The following TMEM201 variants were observed in gnomAD, a reference collection of about 807,000 sequenced individuals.
TMEM201 encodes the protein RP13-15M17.2.
Under a neutral mutation model 63.4 loss-of-function variants are expected in TMEM201, and 26 were observed. The observed-to-expected ratio is 0.41, with a 90% CI of 0.30 to 0.57. The LOEUF (loss-of-function observed/expected upper bound fraction) is 0.57. Among genes scored for constraint, TMEM201 ranks in the 20% least tolerant of loss-of-function variants. The pLI, the probability that TMEM201 is intolerant of heterozygous loss-of-function variation, is 0.29. For missense variants in TMEM201, 794 were observed against 917.7 expected (o/e 0.87, Z 1.74); for synonymous variants, 417 against 421.6 (o/e 0.99, Z 0.14).
At position 9,613,462 on chromosome 1, in the gene TMEM201, C is replaced by G. The variant is rs1644352361; in HGVS notation, c.*379C>G. The G allele has an allele frequency of 3.5e-6, 1 of 285,314 alleles. No individual in the cohort carries two copies. Among genetic ancestry groups the G allele is most frequent in the Admixed American group, 4.7e-5 (1 of 21,498 alleles). 17.7% of individuals were successfully genotyped at this position (285,314 alleles called of 1,614,324 possible). ...CAGCAGGAGCTGCCCGGCCTGCCTT[C>G]TGGCCCCACGCCCACAGGCGTAGTC... On this transcript the variant is annotated 3_prime_UTR_variant, in exon 11 of 11. Transcript: ENST00000340381.
At chr1:9,601,926 G>A in intron 5 of TMEM201, 143 bp from the exon 6 acceptor site, 2 of 974,596 alleles carry the variant, frequency 2.1e-6, no homozygotes, top group South Asian at 3.6e-5. Flanking sequence ...GCGTGTGAGT[G>A]TGAGGGGATT....
intron 1 of TMEM201, among the ~76,000 whole-genome samples, chr1:9,591,445 C>A (rs1397510979): frequency 2.0e-5 from 3 of 152,262 alleles, no homozygotes; most frequent in African/African-American, 7.2e-5. Flanking sequence ...ACGGTCGGCA[C>A]AGTTGGGGGG....
intron 9 of TMEM201, 92 bp from the exon 10 acceptor site, chr1:9,611,661 C>T: frequency 2.6e-6 from 4 of 1,515,280 alleles, no homozygotes; most frequent in Non-Finnish European, 3.6e-6. Flanking sequence ...CCACTTCTGA[C>T]AACTGTCCTT....
rs1260872051 is a variant in TMEM201, at chr1:9,613,109, G to T, written c.*26G>T. On this transcript the variant is annotated 3_prime_UTR_variant, in exon 11 of 11. Coordinates refer to ENST00000340381, the MANE Select transcript of TMEM201 (RefSeq NM_001130924.3). ...CCCACCGTTGGAGCCCCTCGGAGGGGAGCAACCCGGTGCCTGCTGCTTCAC... is the reference window on the plus strand; with the variant it reads ...CCCACCGTTGGAGCCCCTCGGAGGGTAGCAACCCGGTGCCTGCTGCTTCAC... 5 of 1,546,590 alleles carry T rather than the reference G, an allele frequency of 3.2e-6. No homozygotes were observed. The highest frequency in any genetic ancestry group is 4.9e-5 in the East Asian group (2 of 40,914).
Position 9,598,577 on chromosome 1 carries a change from G to C in TMEM201, c.558G>C (p.Leu186Phe). 5 of 1,613,574 alleles carry C rather than the reference G, an allele frequency of 3.1e-6. No individual in the cohort carries two copies. The highest frequency in any genetic ancestry group is 4.2e-6 in the Non-Finnish European group (5 of 1,180,008). The change falls in exon 4 of 11, where the codon TTG becomes TTC. Residue 186 changes from leucine (L) to phenylalanine (F), a missense_variant. By Grantham distance (22) the Leu-to-Phe change is conservative. Transcript: ENST00000340381. ...KHQNRQLRAL[L>F]LSHQFKRREA... is the part of the protein sequence containing the mutation. ...AGAACCGCCAGCTGCGCGCCCTGTT[G>C]CTCAGCCACCAGTTCAAGCGCCGGG...
At position 9,601,221 on chromosome 1, in the gene TMEM201, C is replaced by T; in HGVS notation, c.723C>T (p.Ala241=). Residue 241 remains alanine, a synonymous_variant, in exon 5 of 11, where the codon GCC becomes GCT. Coordinates refer to ENST00000340381, the MANE Select transcript of TMEM201 (RefSeq NM_001130924.3). The part of the protein sequence containing the change: ...TALYGASGHF[A]PGTTVPLALP... Reference sequence around the variant, plus strand: ...TGTATGGGGCCAGCGGACACTTCGCCCCAGGCACCACTGTGCCCCTGGCCC... The same window carrying T: ...TGTATGGGGCCAGCGGACACTTCGCTCCAGGCACCACTGTGCCCCTGGCCC... 1 of 1,612,246 alleles carries T rather than the reference C, an allele frequency of 6.2e-7. No individual in the cohort carries two copies. Among genetic ancestry groups the T allele is most frequent in the Non-Finnish European group, 8.5e-7 (1 of 1,179,876 alleles).
chr1:9,612,887 C>A, intron 10 of TMEM201, 99 bp from the exon 11 acceptor site: 1 of 1,029,260 alleles, frequency 9.7e-7, no homozygotes, highest in Non-Finnish European at 1.5e-6. Context: ...CTGGGCAGAG[C>A]CTTGAGCTCC....
intron 2 of TMEM201, among the ~76,000 whole-genome samples, chr1:9,596,285 T>C (rs1481420641): frequency 6.6e-6 from 1 of 152,216 alleles, no homozygotes; most frequent in Non-Finnish European, 1.5e-5. Context: ...AGTGGCAGAT[T>C]TGGGGTTCAC....
In TMEM201 at chr1:9,604,984, T is replaced by C. The variant is rs1644216442; in HGVS notation, c.1161-2573T>C. The C allele has an allele frequency of 2.0e-6, 2 of 985,768 alleles. No individual in the cohort carries two copies. The highest frequency in any genetic ancestry group is 9.4e-5 in the South Asian group (2 of 21,294). The allele number at this position is 985,768 out of a possible 1,614,324, so 61.1% of individuals were successfully genotyped here. A position where few individuals can be genotyped will look rare whatever the true frequency, so the allele number is the denominator to read the frequency against. The stretch of plus-strand genomic sequence containing the variant: ...GTCAGGTGCCGCGTCTTTCTTCTTT[T>C]TTCTTTCTTTCAGAAGGGCTCTGTG... On this transcript the variant is annotated intron_variant, in intron 6 of 10. Transcript: ENST00000340381. This position sits in a 1 kb window ranked among gnomAD's most constrained non-coding sequence, Gnocchi z 4.1.
intron 1 of TMEM201, among the ~76,000 whole-genome samples, chr1:9,591,395 G>A (rs1643916597): frequency 6.6e-6 from 1 of 152,244 alleles, no homozygotes; most frequent in African/African-American, 2.4e-5. Context: ...GGTGCTCATG[G>A]AGCCCCTTGG....
chr1:9,604,247 T>C lies in TMEM201; in HGVS notation c.1160+1975T>C. Reference sequence around the variant, plus strand: ...TGTGTATGTGCGTATTTAAATTAGATTATTTATAATAACCAGAGCCAGCCC... The same window carrying C: ...TGTGTATGTGCGTATTTAAATTAGACTATTTATAATAACCAGAGCCAGCCC... On this transcript the variant is annotated intron_variant, in intron 6 of 10. Transcript: ENST00000340381. The surrounding 1 kb of genome is among the most constrained non-coding windows in gnomAD (Gnocchi z 4.1). 1 of 985,446 alleles carries C rather than the reference T, an allele frequency of 1.0e-6. No homozygotes were observed. The highest frequency in any genetic ancestry group is 1.7e-5 in the African/African-American group (1 of 57,364). The allele number at this position is 985,446 out of a possible 1,614,324, so 61.0% of individuals were successfully genotyped here.
In TMEM201 at chr1:9,601,110, C is replaced by G; in HGVS notation, c.612C>G (p.Phe204Leu). Residue 204 changes from phenylalanine to leucine, a missense_variant, in exon 5 of 11, where the codon TTC becomes TTG. Physicochemically the swap from Phe to Leu is conservative, Grantham distance 22. Coordinates refer to ENST00000340381, the MANE Select transcript of TMEM201 (RefSeq NM_001130924.3). ...READQTHAQN[F>L]SSAVKSPVQV... ...CCTCTCTTCCTCCTTTGCAGAACTT[C>G]TCCTCCGCCGTGAAGTCCCCGGTCC... The G allele has an allele frequency of 6.3e-7, 1 of 1,584,486 alleles. No homozygotes were observed.
Position 9,607,244 on chromosome 1 carries a change from G to A in TMEM201, c.1161-313G>A, listed in dbSNP as rs1644257809. Among the ~76,000 whole-genome samples, 1 of 152,112 alleles carries A rather than the reference G, an allele frequency of 6.6e-6. No individual in the cohort carries two copies. The highest frequency in any genetic ancestry group is 2.1e-4 in the South Asian group (1 of 4,826). On this transcript the variant is annotated intron_variant, in intron 6 of 10. Transcript: ENST00000340381. This position sits in a 1 kb window ranked among gnomAD's most constrained non-coding sequence, Gnocchi z 5.4. ...TTTTTGCTTCAAGGCGAAAGGGTTG[G>A]CATGAGGTTGGCAAAGGCGACAGTG...
intron 1 of TMEM201, among the ~76,000 whole-genome samples, chr1:9,590,846 C>A (rs1416903081): frequency 6.6e-6 from 1 of 152,204 alleles, no homozygotes; most frequent in East Asian, 1.9e-4. Context: ...GAGGTTGAGC[C>A]TTCCTCCGAG....
chr1:9,610,020 T>G lies in TMEM201; in HGVS notation c.1465+109T>G. 9.5e-7 allele frequency: 1 copy of G among 1,055,884 alleles called. No individual in the cohort carries two copies. The allele number at this position is 1,055,884 out of a possible 1,614,324, so 65.4% of individuals were successfully genotyped here. On this transcript the variant is annotated intron_variant, in intron 8 of 10. Coordinates refer to ENST00000340381, the MANE Select transcript of TMEM201 (RefSeq NM_001130924.3). The surrounding 1 kb of genome is among the most constrained non-coding windows in gnomAD (Gnocchi z 4.9). Reference sequence around the variant, plus strand: ...GGGTCAGACAGACCCCAAGTGTGTGTTCACATCTCAGCCCTGGGCAAGTGA... The same window carrying G: ...GGGTCAGACAGACCCCAAGTGTGTGGTCACATCTCAGCCCTGGGCAAGTGA...
At chr1:9,606,097 A>T (rs1644238062) in intron 6 of TMEM201, 5 of 152,308 alleles carry the variant, frequency 3.3e-5, no homozygotes, top group Admixed American at 3.3e-4. Context: ...AGGTGCCCTC[A>T]GGGTCATTCC....
chr1:9,613,479 G>A lies in TMEM201; in HGVS notation c.*396G>A, dbSNP rs1203632126. 1 of 264,672 alleles carries A rather than the reference G, an allele frequency of 3.8e-6. No homozygotes were observed. The highest frequency in any genetic ancestry group is 7.4e-6 in the Non-Finnish European group (1 of 135,682). The allele number at this position is 264,672 out of a possible 1,614,324, so 16.4% of individuals were successfully genotyped here. On this transcript the variant is annotated 3_prime_UTR_variant, in exon 11 of 11. Coordinates refer to ENST00000340381, the MANE Select transcript of TMEM201 (RefSeq NM_001130924.3). Reference sequence around the variant, plus strand: ...CCTGCCTTCTGGCCCCACGCCCACAGGCGTAGTCACATCTTTGTACTGTAC... The same window carrying A: ...CCTGCCTTCTGGCCCCACGCCCACAAGCGTAGTCACATCTTTGTACTGTAC...
intron 1 of TMEM201, among the ~76,000 whole-genome samples, chr1:9,595,007 C>T (rs1239137184): frequency 6.6e-6 from 1 of 150,842 alleles, no homozygotes; most frequent in African/African-American, 2.5e-5. Context: ...GGAGGTGGCC[C>T]CTGGGGGAGA....
chr1:9,597,117 G>A lies in TMEM201; in HGVS notation c.429+64G>A, dbSNP rs975735032. The A allele has an allele frequency of 7.2e-5, 110 of 1,529,780 alleles. 1 individual carries two copies. In the South Asian group the frequency reaches 8.5e-4, roughly 12 times the overall value. 94.8% of individuals were successfully genotyped at this position (1,529,780 alleles called of 1,614,324 possible). On this transcript the variant is annotated intron_variant, in intron 3 of 10. Transcript: ENST00000340381. ...CCAGGGATGCTTAGAGCAGCCGGGG[G>A]ACAGGCACGTGCAGGGTGCTGACTC...
Sources: allele counts gnomAD v4.1 joint callset (sites outside exome capture counted in the v4.1 genomes callset), GRCh38; gene constraint gnomAD v4.1.1; non-coding constraint Gnocchi (gnomAD v3.1); transcripts MANE v1.5; gene names NCBI Gene and HGNC (gene_info 2026-07-23, HGNC 2026-07-21).